Variants in THOC5 observed in about 807,000 individuals in gnomAD.
The protein encoded by THOC5 is THO complex subunit 5.
A neutral mutation model predicts 92.9 loss-of-function variants in THOC5; 43 were observed. The ratio of observed to expected loss-of-function variants is 0.46; its 90% CI spans 0.36 to 0.60. THOC5 has a LOEUF of 0.60. THOC5 is among the 20% of genes least tolerant of loss of function. The pLI, the probability that THOC5 is intolerant of heterozygous loss-of-function variation, is 0.00. For missense variants in THOC5, 659 were observed against 849.4 expected, an observed-to-expected ratio of 0.78 and a Z score of 2.79; for synonymous variants, 296 against 320.1, an observed-to-expected ratio of 0.92 and a Z score of 0.80.
intron 18 of THOC5, 46 bp downstream of exon 18, chr22:29,511,975 C>T (rs2063232261): frequency 1.3e-6 from 2 of 1,552,096 alleles, no homozygotes; most frequent in African/African-American, 1.4e-5. Context: ...GCCACCTCCC[C>T]CGGGAGCTCT....
intron 18 of THOC5, chr22:29,511,508 C>T (rs1308528431): frequency 1.5e-5 from 8 of 551,080 alleles, no homozygotes; most frequent in African/African-American, 3.8e-5. Flanking sequence ...ATAGCTTTCC[C>T]TGCCTCATAT....
In THOC5 at chr22:29,548,534, G is replaced by A. The variant is rs36099178; in HGVS notation, c.96+518C>T. ...CGTGCCACTGTACTCCGACGTGAGCGACACAGTGAGACCCTGTCTCAAAAA... is the reference window on the plus strand; with the variant it reads ...CGTGCCACTGTACTCCGACGTGAGCAACACAGTGAGACCCTGTCTCAAAAA... On this transcript the variant is annotated intron_variant, in intron 2 of 19. Transcript: ENST00000490103. 6.4e-3 allele frequency among the ~76,000 whole-genome samples: 978 copies of A among 152,174 alleles called. 20 individuals carry two copies. The highest frequency in any genetic ancestry group is 0.03 in the Admixed American group (452 of 15,278).
At chr22:29,529,756 G>A (rs923381090) in intron 8 of THOC5, among the ~76,000 whole-genome samples, 1 of 152,216 alleles carries the variant, frequency 6.6e-6, no homozygotes, top group Non-Finnish European at 1.5e-5. Context: ...TTCCAGACCT[G>A]AGTCCCTGCC....
chr22:29,534,958 C>CAAAAAAA (rs749282349), intron 7 of THOC5: 2 of 49,412 alleles, frequency 4.0e-5, no homozygotes, highest in Non-Finnish European at 7.7e-5. Flanking sequence ...GACTCTGTCT[C>CAAAAAAA]AAAAAAAAAA....
chr22:29,514,724 A>G (rs1242897842), intron 17 of THOC5, among the ~76,000 whole-genome samples: 1 of 151,396 alleles, frequency 6.6e-6, no homozygotes, highest in Admixed American at 6.6e-5. Context: ...ATATTTTTTG[A>G]GACGGAGTCT....
intron 18 of THOC5, 164 bp from the exon 19 acceptor site, chr22:29,511,460 C>T: frequency 3.0e-6 from 2 of 662,822 alleles, no homozygotes. Flanking sequence ...TCCTCAGGCC[C>T]CCTCATCAAG....
At chr22:29,543,159 C>T (rs1387557329) in intron 4 of THOC5, among the ~76,000 whole-genome samples, 1 of 151,758 alleles carries the variant, frequency 6.6e-6, no homozygotes, top group Non-Finnish European at 1.5e-5. Flanking sequence ...GCCTGGCCAA[C>T]AAGGTGAAAC....
chr22:29,543,955 A>G (rs1365419672), intron 3 of THOC5, among the ~76,000 whole-genome samples: 1 of 152,236 alleles, frequency 6.6e-6, no homozygotes, highest in Non-Finnish European at 1.5e-5. Context: ...CAATAATTCT[A>G]ACAAAACTTG....
At chr22:29,541,705 C>G (rs543394246) in intron 5 of THOC5, among the ~76,000 whole-genome samples, 1 of 148,402 alleles carries the variant, frequency 6.7e-6, no homozygotes, top group Non-Finnish European at 1.5e-5. Flanking sequence ...ACTAAAAACA[C>G]GAAATATTAG....
In THOC5 at chr22:29,510,218, G is replaced by A. The variant is rs546262570; in HGVS notation, c.1988+888C>T. On this transcript the variant is annotated intron_variant, in intron 19 of 19. Coordinates refer to ENST00000490103, the MANE Select transcript of THOC5 (RefSeq NM_003678.5). ...CTGTCAGGAACTGCTGGCATTTTCC[G>A]AGTCCCAGTCCTGTGCCAGGACTTT... is the stretch of plus-strand genomic sequence containing the variant. Among the ~76,000 whole-genome samples the A allele has an allele frequency of 9.2e-5, 14 of 152,308 alleles. No homozygotes were observed. In the East Asian group the frequency reaches 1.2e-3, roughly 13 times the overall value.
intron 4 of THOC5, among the ~76,000 whole-genome samples, chr22:29,543,218 G>A (rs2063935932): frequency 6.6e-6 from 1 of 151,734 alleles, no homozygotes; most frequent in African/African-American, 2.4e-5. Flanking sequence ...GGTGGTGGGA[G>A]GTGCCTGTAA....
At chr22:29,531,310 G>A (rs1050645864) in intron 8 of THOC5, 2 of 985,304 alleles carry the variant, frequency 2.0e-6, no homozygotes, top group South Asian at 9.4e-5. Flanking sequence ...TAGGGCAAAA[G>A]GCAGAGTCTC....
In THOC5 at chr22:29,539,495, C is replaced by T. The variant is rs997559324; in HGVS notation, c.453-19G>A. 1 of 1,607,278 alleles carries T rather than the reference C, an allele frequency of 6.2e-7. No homozygotes were observed. The highest frequency in any genetic ancestry group is 8.5e-7 in the Non-Finnish European group (1 of 1,177,080). The stretch of plus-strand genomic sequence containing the variant: ...CTTTGACCTACAGACAAAAACATGA[C>T]ATCAAGCTGCTGTTCTCAGGAAACT... On this transcript the variant is annotated intron_variant, in intron 5 of 19. Transcript: ENST00000490103.
At chr22:29,527,709 A>T (rs971406399) in intron 11 of THOC5, among the ~76,000 whole-genome samples, 1 of 152,164 alleles carries the variant, frequency 6.6e-6, no homozygotes, top group African/African-American at 2.4e-5. Context: ...TTTTCATACA[A>T]ACCAACTTCA....
rs150131630 is a variant in THOC5 at position 29,528,709 on chromosome 22, G to A, written c.926-243C>T. Among the ~76,000 whole-genome samples the A allele has an allele frequency of 3.5e-4, 53 of 152,240 alleles. No individual in the cohort carries two copies. The East Asian group carries it at 9.7e-3, about 28-fold the overall frequency. On this transcript the variant is annotated intron_variant, in intron 9 of 19. Coordinates refer to ENST00000490103, the MANE Select transcript of THOC5 (RefSeq NM_003678.5). Reference sequence around the variant, plus strand: ...AGGGCTTTTTGATGTCATTTAGATGGAACACAAGCCCCTCCTTGTGATGGT... The same window carrying A: ...AGGGCTTTTTGATGTCATTTAGATGAAACACAAGCCCCTCCTTGTGATGGT...
At chr22:29,524,933 T>G (rs557010961) in intron 12 of THOC5, among the ~76,000 whole-genome samples, 1 of 152,238 alleles carries the variant, frequency 6.6e-6, no homozygotes, top group African/African-American at 2.4e-5. Flanking sequence ...TATTTCACCC[T>G]CAGCCCCGCA....
chr22:29,528,044 A>T (rs746112995), intron 11 of THOC5, 34 bp downstream of exon 11: 21 of 1,609,006 alleles, frequency 1.3e-5, no homozygotes, highest in Non-Finnish European at 1.8e-5. Flanking sequence ...CTTAGGTGCT[A>T]CAGATCCCTT....
intron 8 of THOC5, among the ~76,000 whole-genome samples, chr22:29,530,133 A>T (rs549067895): frequency 6.9e-6 from 1 of 145,816 alleles, no homozygotes; most frequent in Non-Finnish European, 1.5e-5. Flanking sequence ...ACAGAGTGAG[A>T]CTCTGTCTCA....
At chr22:29,531,987 G>C in intron 7 of THOC5, 24 bp from the exon 8 acceptor site, 2 of 1,611,548 alleles carry the variant, frequency 1.2e-6, no homozygotes, top group Non-Finnish European at 1.7e-6. Context: ...ACAGATTTTT[G>C]TTCTTCCTTT....
Sources: allele counts gnomAD v4.1 joint callset (sites outside exome capture counted in the v4.1 genomes callset), GRCh38; gene constraint gnomAD v4.1.1; transcripts MANE v1.5; gene names NCBI Gene and HGNC (gene_info 2026-07-23, HGNC 2026-07-21).